The following MYRIP variants were observed in gnomAD, a reference collection of about 807,000 sequenced individuals.
The protein encoded by MYRIP is rab effector MyRIP.
MYRIP carries 49 observed loss-of-function variants against 98.0 expected under a neutral mutation model. The observed-to-expected ratio is 0.50, with a 90% CI of 0.40 to 0.63. The LOEUF is 0.63. MYRIP is among the 30% of genes least tolerant of loss of function. The probability of loss-of-function intolerance (pLI) is 0.00; values close to 1 mark genes in which losing one functional copy is unlikely to be tolerated. For synonymous variants in MYRIP, 404 were observed against 409.5 expected (o/e 0.99, Z 0.16); for missense variants, 1,004 against 1,058.2 (o/e 0.95, Z 0.71).
At chr3:40,101,097 A>G (rs775414477) in intron 3 of MYRIP, among the ~76,000 whole-genome samples, 5 of 152,090 alleles carry the variant, frequency 3.3e-5, no homozygotes, top group Non-Finnish European at 7.4e-5. Context: ...TAATATGCTT[A>G]CCCTTTTTGT....
At chr3:39,875,684 G>T (rs1450818283) in intron 1 of MYRIP, among the ~76,000 whole-genome samples, 2 of 151,188 alleles carry the variant, frequency 1.3e-5, no homozygotes, top group African/African-American at 4.9e-5. Context: ...GTTCTAGTTT[G>T]ATTGCACTGT....
chr3:39,981,945 A>C lies in MYRIP; in HGVS notation c.111-62105A>C, dbSNP rs114559341. ...ATTGGAGAACACACACACACACAAA[A>C]AAACAAACATAGTTTTAAAGAACTC... On this transcript the variant is annotated intron_variant, in intron 2 of 16. Coordinates refer to ENST00000302541, the MANE Select transcript of MYRIP (RefSeq NM_015460.4). Among the ~76,000 whole-genome samples the C allele has an allele frequency of 6.1e-3, 929 of 152,284 alleles. 6 individuals are homozygous for C. The highest frequency in any genetic ancestry group is 0.021 in the African/African-American group (886 of 41,548).
rs552164853 is a variant in MYRIP at position 40,156,830 on chromosome 3, T to C, written c.469+5646T>C. 2.0e-5 allele frequency among the ~76,000 whole-genome samples: 3 copies of C among 152,286 alleles called. No homozygotes were observed. The South Asian group carries it at 6.2e-4, about 32-fold the overall frequency. On this transcript the variant is annotated intron_variant, in intron 4 of 16. Coordinates refer to ENST00000302541, the MANE Select transcript of MYRIP (RefSeq NM_015460.4). ...GGTGTATAAGAATGCTTGTGATTTT[T>C]GTACATTGATTTTGTATCCTGAAGA...
intron 3 of MYRIP, 65 bp from the exon 4 acceptor site, chr3:40,150,983 C>A: frequency 7.1e-7 from 1 of 1,404,688 alleles, no homozygotes; most frequent in Non-Finnish European, 9.5e-7. Flanking sequence ...TGAAGCATTG[C>A]AGCAGTTTTG....
Position 40,202,906 on chromosome 3 carries a change from C to CTTACTTACTTATTTATTTAT in MYRIP, c.1666-6945_1666-6944insCTTACTTATTTATTTATTTA, listed in dbSNP as rs369594921. On this transcript the variant is annotated intron_variant, in intron 10 of 16. Transcript: ENST00000302541. Reference sequence around the variant, plus strand: ...ATCCCCATCACCTCACCTCCATTTACTTATTTATTTATTTATTTATTTATT... The same window carrying CTTACTTACTTATTTATTTAT: ...ATCCCCATCACCTCACCTCCATTTACTTACTTACTTATTTATTTATTTATTTATTTATTTATTTATTTATT... Among the ~76,000 whole-genome samples the CTTACTTACTTATTTATTTAT allele has an allele frequency of 8.6e-4, 123 of 142,506 alleles. 1 individual carries two copies. The highest frequency in any genetic ancestry group is 1.4e-3 in the Admixed American group (19 of 13,868). The allele number at this position is 142,506 out of a possible 152,430, so 93.5% of individuals were successfully genotyped here.
chr3:39,918,514 G>T (rs1284596020), intron 2 of MYRIP, among the ~76,000 whole-genome samples: 1 of 152,128 alleles, frequency 6.6e-6, no homozygotes, highest in Non-Finnish European at 1.5e-5. Context: ...TCCCCATCCT[G>T]CCTAATGAGG....
chr3:40,189,973 A>C lies in MYRIP; in HGVS notation c.1175A>C (p.Glu392Ala). ...VASSVASAYD[E>A]MGSDSEEDFD... ...TCCAGTGTGGCATCTGCCTACGATG[A>C]GATGGGCTCCGATAGCGAGGAAGAC... Residue 392 changes from glutamate to alanine, a missense_variant, in exon 10 of 17, where the codon GAG becomes GCG. Transcript: ENST00000302541. 1.9e-6 allele frequency: 3 copies of C among 1,614,106 alleles called. No individual in the cohort carries two copies. The highest frequency in any genetic ancestry group is 2.5e-6 in the Non-Finnish European group (3 of 1,180,040).
At chr3:39,853,803 G>T (rs1942209121) in intron 1 of MYRIP, among the ~76,000 whole-genome samples, 1 of 151,916 alleles carries the variant, frequency 6.6e-6, no homozygotes, top group Non-Finnish European at 1.5e-5. Context: ...ATTTGCTTTT[G>T]CGTTCTCGGT....
chr3:40,244,890 C>T (rs1953140302), intron 13 of MYRIP, among the ~76,000 whole-genome samples: 1 of 152,222 alleles, frequency 6.6e-6, no homozygotes, highest in Admixed American at 6.5e-5. Context: ...GGTCTCTCTA[C>T]TATACAGGTT....
chr3:40,004,666 G>GTAT (rs1158143487), intron 2 of MYRIP, among the ~76,000 whole-genome samples: 3 of 152,002 alleles, frequency 2.0e-5, no homozygotes, highest in African/African-American at 4.8e-5. Flanking sequence ...AAAGTCCACT[G>GTAT]TATTATTATT....
chr3:39,988,860 A>T (rs183732522), intron 2 of MYRIP, among the ~76,000 whole-genome samples: 1 of 151,558 alleles, frequency 6.6e-6, no homozygotes, highest in East Asian at 2.0e-4. Context: ...TTTCAGCTCT[A>T]TCAGGTCATT....
intron 11 of MYRIP, among the ~76,000 whole-genome samples, chr3:40,230,092 C>T (rs1041961964): frequency 6.6e-6 from 1 of 152,190 alleles, no homozygotes; most frequent in Non-Finnish European, 1.5e-5. Context: ...TGTCTTGAGA[C>T]TCACCTTCCT....
At chr3:39,947,426 A>T (rs1944928114) in intron 2 of MYRIP, among the ~76,000 whole-genome samples, 1 of 152,234 alleles carries the variant, frequency 6.6e-6, no homozygotes. Flanking sequence ...ATAAAGTATT[A>T]AAAAACCTCC....
chr3:39,868,695 A>G (rs1942694833), intron 1 of MYRIP, among the ~76,000 whole-genome samples: 1 of 152,130 alleles, frequency 6.6e-6, no homozygotes, highest in Admixed American at 6.5e-5. Context: ...GCCCGTTCCT[A>G]GAGATAGTAA....
intron 11 of MYRIP, among the ~76,000 whole-genome samples, chr3:40,227,225 G>C (rs998145635): frequency 6.6e-6 from 1 of 152,148 alleles, no homozygotes; most frequent in Non-Finnish European, 1.5e-5. Context: ...GTGATGGGAG[G>C]GAATCATTGA....
intron 2 of MYRIP, among the ~76,000 whole-genome samples, chr3:40,043,273 T>C (rs545498779): frequency 6.6e-6 from 1 of 152,222 alleles, no homozygotes; most frequent in Non-Finnish European, 1.5e-5. Context: ...ATAATTTTTC[T>C]ACTGTTCTTT....
chr3:39,906,468 T>C (rs1324926509), intron 2 of MYRIP, among the ~76,000 whole-genome samples: 1 of 152,190 alleles, frequency 6.6e-6, no homozygotes, highest in Non-Finnish European at 1.5e-5. Flanking sequence ...TGGCTAAACA[T>C]ACTGAGTGCC....
intron 2 of MYRIP, among the ~76,000 whole-genome samples, chr3:39,985,705 G>A (rs1399154536): frequency 2.0e-5 from 3 of 150,728 alleles, no homozygotes; most frequent in Non-Finnish European, 3.0e-5. Context: ...CAAGCAATGG[G>A]GAAAGGATTC....
intron 2 of MYRIP, among the ~76,000 whole-genome samples, chr3:40,026,691 G>A (rs372540290): frequency 6.6e-6 from 1 of 152,222 alleles, no homozygotes; most frequent in Non-Finnish European, 1.5e-5. Flanking sequence ...TCACTGTTCA[G>A]TCTGCAACAG....
Sources: allele counts gnomAD v4.1 joint callset (sites outside exome capture counted in the v4.1 genomes callset), GRCh38; gene constraint gnomAD v4.1.1; transcripts MANE v1.5; gene names NCBI Gene and HGNC (gene_info 2026-07-23, HGNC 2026-07-21).